SLC15A5: variants seen among roughly 807,000 people sequenced by gnomAD.
The protein encoded by SLC15A5 is solute carrier family 15 member 5, also known as Peptide/histidine transporter ENSP00000340402.
Under a neutral mutation model 56.1 loss-of-function variants are expected in SLC15A5, and 58 were observed. The ratio of observed to expected loss-of-function variants is 1.03; its 90% confidence interval spans 0.84 to 1.29. The LOEUF (loss-of-function observed/expected upper bound fraction) is 1.29, where lower values mean the gene tolerates loss of function less well. Among genes scored for constraint, SLC15A5 ranks in the 50% most tolerant of loss-of-function variants. The pLI, the probability that SLC15A5 is intolerant of heterozygous loss-of-function variation, is 0.00. For missense variants in SLC15A5, 681 were observed against 672.1 expected (o/e 1.01, Z -0.15); for synonymous variants, 264 against 250.5 (o/e 1.05, Z -0.51).
chr12:16,195,293 T>G (rs936581248), intron 7 of SLC15A5, among the ~76,000 whole-genome samples: 1 of 152,200 alleles, frequency 6.6e-6, no homozygotes, highest in Non-Finnish European at 1.5e-5. Flanking sequence ...CAGTAAATTT[T>G]GGGGTATTGT....
intron 7 of SLC15A5, among the ~76,000 whole-genome samples, chr12:16,209,019 CTT>C (rs34238331): frequency 0.29 from 40,448 of 141,190 alleles, 6,291 homozygotes; most frequent in African/African-American, 0.4. Flanking sequence ...AACATGATGC[CTT>C]TTTTTTTTTT....
At chr12:16,254,617 C>A (rs1434794470) in intron 3 of SLC15A5, among the ~76,000 whole-genome samples, 1 of 152,022 alleles carries the variant, frequency 6.6e-6, no homozygotes, top group Non-Finnish European at 1.5e-5. Flanking sequence ...TAGACTGATT[C>A]CATATCTCAG....
chr12:16,232,430 T>C (rs1011296108), intron 5 of SLC15A5, among the ~76,000 whole-genome samples: 3 of 151,714 alleles, frequency 2.0e-5, no homozygotes, highest in Non-Finnish European at 4.4e-5. Flanking sequence ...ACAAAGAAAA[T>C]GGAAGAAAGG....
At chr12:16,201,834 T>A (rs557320802) in intron 7 of SLC15A5, among the ~76,000 whole-genome samples, 3 of 152,242 alleles carry the variant, frequency 2.0e-5, no homozygotes, top group African/African-American at 7.2e-5. Flanking sequence ...TATAGCAATA[T>A]GAAAACGGAC....
chr12:16,266,754 TCA>T (rs1354159430), intron 2 of SLC15A5, among the ~76,000 whole-genome samples: 2 of 152,136 alleles, frequency 1.3e-5, no homozygotes, highest in Admixed American at 6.5e-5. Context: ...AAAGCACCTC[TCA>T]CACAAAAAGT....
At chr12:16,260,287 T>A (rs1864630731) in intron 2 of SLC15A5, among the ~76,000 whole-genome samples, 1 of 152,110 alleles carries the variant, frequency 6.6e-6, no homozygotes. Flanking sequence ...ATAGCCCCAC[T>A]GATAACAAAA....
rs189068342 is a variant in SLC15A5, at chr12:16,189,290, A to T, written c.*378T>A. On this transcript the variant is annotated 3_prime_UTR_variant, in exon 9 of 9. Coordinates refer to ENST00000344941, the MANE Select transcript of SLC15A5 (RefSeq NM_001170798.1). The stretch of plus-strand genomic sequence containing the variant: ...ATCACTAAGTGTATTGAAAGAGAGT[A>T]TATTAAAATACTGTCATTTTGCTTC... 2.7e-3 allele frequency: 426 copies of T among 155,236 alleles called. 2 individuals carry two copies. Among genetic ancestry groups the T allele is most frequent in the African/African-American group, 9.2e-3 (384 of 41,710 alleles). The allele number at this position is 155,236 out of a possible 1,614,324, so 9.6% of individuals were successfully genotyped here.
chr12:16,244,465 C>T (rs1362551716), intron 4 of SLC15A5, 115 bp downstream of exon 4: 7 of 926,390 alleles, frequency 7.6e-6, no homozygotes, highest in African/African-American at 1.6e-5. Flanking sequence ...GTGGGGATAA[C>T]TGCCTGCCGA....
chr12:16,272,630 A>G lies in SLC15A5; in HGVS notation c.515T>C (p.Ile172Thr). 1.3e-6 allele frequency: 2 copies of G among 1,537,036 alleles called. No homozygotes were observed. Among genetic ancestry groups the G allele is most frequent in the Non-Finnish European group, 1.7e-6 (2 of 1,146,696 alleles). Residue 172 changes from isoleucine (I) to threonine (T), a missense_variant, in exon 2 of 9, where the codon ATC becomes ACC. Coordinates refer to ENST00000344941, the MANE Select transcript of SLC15A5 (RefSeq NM_001170798.1). ...GCCAAAAGCACCCAGTGGACAGACG[A>G]TGGCTCTTACGCCTCCAATGCCAAG... is the stretch of plus-strand genomic sequence containing the variant. Reference protein sequence around the residue: ...ICLGIGGVRAIVCPLGAFGLQ... With the variant: ...ICLGIGGVRATVCPLGAFGLQ...
At chr12:16,232,320 T>C (rs577284467) in intron 5 of SLC15A5, among the ~76,000 whole-genome samples, 18 of 151,958 alleles carry the variant, frequency 1.2e-4, no homozygotes, top group African/African-American at 4.3e-4. Context: ...ACAATAAAAA[T>C]CAAACAAACA....
intron 6 of SLC15A5, among the ~76,000 whole-genome samples, chr12:16,217,936 C>G (rs1400312744): frequency 6.6e-6 from 1 of 151,850 alleles, no homozygotes; most frequent in Non-Finnish European, 1.5e-5. Flanking sequence ...TTAAAAATAA[C>G]TTTCTTTTGG....
At chr12:16,197,603 G>T (rs79204246) in intron 7 of SLC15A5, among the ~76,000 whole-genome samples, 61 of 152,196 alleles carry the variant, frequency 4.0e-4, no homozygotes, top group African/African-American at 1.4e-3. Flanking sequence ...GATAATGGTT[G>T]TCAAGGGCCG....
intron 6 of SLC15A5, among the ~76,000 whole-genome samples, chr12:16,221,670 T>C (rs909983963): frequency 1.3e-5 from 2 of 152,124 alleles, no homozygotes; most frequent in Non-Finnish European, 2.9e-5. Context: ...AACTTATGTT[T>C]TGAGAAGAAC....
intron 2 of SLC15A5, among the ~76,000 whole-genome samples, chr12:16,264,671 G>A (rs1389024104): frequency 2.6e-5 from 4 of 152,224 alleles, no homozygotes; most frequent in Admixed American, 2.0e-4. Flanking sequence ...CCAGGTGGGA[G>A]ATGATAGAAT....
At chr12:16,225,782 A>AT (rs1437580482) in intron 5 of SLC15A5, among the ~76,000 whole-genome samples, 7 of 152,224 alleles carry the variant, frequency 4.6e-5, no homozygotes, top group African/African-American at 1.7e-4. Flanking sequence ...AATGGTGATC[A>AT]TTAAAAAGTC....
intron 3 of SLC15A5, among the ~76,000 whole-genome samples, chr12:16,256,916 AGATAGATAGAT>A (rs1237076253): frequency 7.0e-5 from 1 of 14,240 alleles, no homozygotes; most frequent in African/African-American, 1.7e-4. Context: ...CATGGGGAAT[AGATAGATAGAT>A]AGATAGATAG....
intron 1 of SLC15A5, 50 bp from the exon 2 acceptor site, chr12:16,272,833 C>A: frequency 7.0e-7 from 1 of 1,437,882 alleles, no homozygotes. Context: ...ACAAGTGGAT[C>A]ACCAAATCAC....
chr12:16,252,923 G>A (rs778294190), intron 3 of SLC15A5, among the ~76,000 whole-genome samples: 1 of 152,072 alleles, frequency 6.6e-6, no homozygotes, highest in African/African-American at 2.4e-5. Context: ...AGAGTACAAG[G>A]TTCTGATATG....
chr12:16,197,027 G>A (rs1323774216), intron 7 of SLC15A5, among the ~76,000 whole-genome samples: 1 of 151,570 alleles, frequency 6.6e-6, no homozygotes, highest in Non-Finnish European at 1.5e-5. Flanking sequence ...AGAAAAGTTA[G>A]AGAAAGATAG....
Sources: gnomAD v4.1 joint callset for allele counts (sites outside exome capture counted in the v4.1 genomes callset) on GRCh38, gnomAD v4.1.1 for gene constraint, MANE v1.5 for transcripts, NCBI Gene and HGNC (gene_info 2026-07-23, HGNC 2026-07-21) for gene names.